The following AIG1 variants were observed in gnomAD, a reference collection of about 807,000 sequenced individuals.
The protein encoded by AIG1 is androgen-induced gene 1 protein.
In AIG1, 23 loss-of-function variants were observed where a neutral mutation model predicts 31.4. That is an observed-to-expected ratio of 0.73 (90% CI 0.53 to 1.04). The LOEUF is 1.04. AIG1 is among the 50% of genes least tolerant of loss of function. AIG1 has a pLI of 0.00. For missense variants in AIG1, 274 were observed against 295.0 expected, an observed-to-expected ratio of 0.93 and a Z score of 0.52; for synonymous variants, 100 against 110.5, an observed-to-expected ratio of 0.90 and a Z score of 0.60.
chr6:143,099,959 T>C (rs990585228), intron 1 of AIG1, among the ~76,000 whole-genome samples: 2 of 152,230 alleles, frequency 1.3e-5, no homozygotes, highest in African/African-American at 4.8e-5. Flanking sequence ...ATGGCAGACC[T>C]GTGGCCAGCG....
chr6:143,290,563 A>G (rs1797991073), intron 4 of AIG1, among the ~76,000 whole-genome samples: 1 of 152,318 alleles, frequency 6.6e-6, no homozygotes. Flanking sequence ...CTTAGTGTGC[A>G]TGACTGAGCC....
Position 143,088,209 on chromosome 6 carries a change from G to C in AIG1, c.141+27143G>C, listed in dbSNP as rs117100770. Among the ~76,000 whole-genome samples, 65 of 151,680 alleles carry C rather than the reference G, an allele frequency of 4.3e-4. No individual in the cohort carries two copies. The East Asian group carries it at 0.013, about 29-fold the overall frequency. ...TGATTTATTAGGTCCAATTTGAAGA[G>C]TTGGCTTCTCAACTTTAGGAGTCTG... is the stretch of plus-strand genomic sequence containing the variant. On this transcript the variant is annotated intron_variant, in intron 1 of 5. Transcript: ENST00000357847.
At chr6:143,318,966 TA>T (rs1421987354) in intron 4 of AIG1, among the ~76,000 whole-genome samples, 1 of 151,816 alleles carries the variant, frequency 6.6e-6, no homozygotes, top group East Asian at 1.9e-4. Context: ...AATCAAAAAA[TA>T]AAAAATAATA....
At chr6:143,063,412 G>A (rs1776425282) in intron 1 of AIG1, among the ~76,000 whole-genome samples, 1 of 152,198 alleles carries the variant, frequency 6.6e-6, no homozygotes, top group South Asian at 2.1e-4. Context: ...AAGAGTGCCT[G>A]TGAGAAAGTA....
At chr6:143,321,396 C>T (rs966084454) in intron 4 of AIG1, among the ~76,000 whole-genome samples, 26 of 151,804 alleles carry the variant, frequency 1.7e-4, no homozygotes, top group Non-Finnish European at 3.4e-4. Context: ...GCCAGGAGTT[C>T]AAGACCAGCC....
intron 1 of AIG1, among the ~76,000 whole-genome samples, chr6:143,090,374 A>C (rs934502405): frequency 2.6e-5 from 4 of 152,224 alleles, no homozygotes; most frequent in Non-Finnish European, 5.9e-5. Flanking sequence ...ATAAAAAGAT[A>C]AGTATGAAAA....
intron 3 of AIG1, among the ~76,000 whole-genome samples, chr6:143,267,945 A>G (rs1394706242): frequency 6.6e-6 from 1 of 152,174 alleles, no homozygotes; most frequent in African/African-American, 2.4e-5. Context: ...TTAAGCTTTA[A>G]AAATGTGCCT....
rs1583787845 is a variant in AIG1 at position 143,299,597 on chromosome 6, G to A, written c.515+15372G>A. 6.6e-6 allele frequency: 1 copy of A among 152,230 alleles called. No homozygotes were observed. Among genetic ancestry groups the A allele is most frequent in the Admixed American group, 6.5e-5 (1 of 15,286 alleles). The allele number at this position is 152,230 out of a possible 1,614,324, so 9.4% of individuals were successfully genotyped here. Reference sequence around the variant, plus strand: ...TGAAATACCCATATGCTTAAAGAGAGAAATGAGTAGCAGAGGGATTTCAAG... The same window carrying A: ...TGAAATACCCATATGCTTAAAGAGAAAAATGAGTAGCAGAGGGATTTCAAG... On this transcript the variant is annotated intron_variant, in intron 4 of 5. Coordinates refer to ENST00000357847, the MANE Select transcript of AIG1 (RefSeq NM_016108.4). This position sits in a 1 kb window ranked among gnomAD's most constrained non-coding sequence, Gnocchi z 4.1.
chr6:143,144,029 A>T (rs1020523716), intron 2 of AIG1, among the ~76,000 whole-genome samples: 1 of 152,208 alleles, frequency 6.6e-6, no homozygotes, highest in African/African-American at 2.4e-5. Context: ...CAATCATCTC[A>T]TATATTCTTT....
chr6:143,218,504 T>C (rs1019578194), intron 3 of AIG1, among the ~76,000 whole-genome samples: 2 of 152,224 alleles, frequency 1.3e-5, no homozygotes, highest in South Asian at 2.1e-4. Context: ...AAGCCAAATC[T>C]CCAGCCCAAC....
Position 143,279,681 on chromosome 6 carries a change from C to T in AIG1, c.400-4429C>T, listed in dbSNP as rs988292965. On this transcript the variant is annotated intron_variant, in intron 3 of 5. Coordinates refer to ENST00000357847, the MANE Select transcript of AIG1 (RefSeq NM_016108.4). This position sits in a 1 kb window ranked among gnomAD's most constrained non-coding sequence, Gnocchi z 5.4. ...CCATGGCAGTGGAGTCAGTTCACTC[C>T]GCTCCATCACGGGGGACCCACCAAG... 5.3e-5 allele frequency among the ~76,000 whole-genome samples: 8 copies of T among 152,072 alleles called. No homozygotes were observed. Among genetic ancestry groups the T allele is most frequent in the Admixed American group, 1.3e-4 (2 of 15,266 alleles).
At chr6:143,309,111 G>C (rs1184048207) in intron 4 of AIG1, among the ~76,000 whole-genome samples, 2 of 151,906 alleles carry the variant, frequency 1.3e-5, no homozygotes, top group Non-Finnish European at 2.9e-5. Flanking sequence ...CAAGCAAGAG[G>C]GGAATGGAGT....
At chr6:143,187,399 A>G in intron 3 of AIG1, 1 of 1,535,614 alleles carries the variant, frequency 6.5e-7, no homozygotes, top group South Asian at 1.2e-5. Context: ...TATAGCAACT[A>G]GATTCCACCA....
At chr6:143,173,197 A>C (rs567888440) in intron 3 of AIG1, among the ~76,000 whole-genome samples, 25 of 152,276 alleles carry the variant, frequency 1.6e-4, no homozygotes, top group African/African-American at 5.8e-4. Context: ...CTAGGATTAC[A>C]GGCGTGCACC....
intron 1 of AIG1, among the ~76,000 whole-genome samples, chr6:143,117,407 C>T (rs1222327830): frequency 6.6e-6 from 1 of 152,012 alleles, no homozygotes; most frequent in East Asian, 1.9e-4. Context: ...TGCACAGGGT[C>T]AGATTATGGA....
At chr6:143,224,113 G>A (rs1792749598) in intron 3 of AIG1, among the ~76,000 whole-genome samples, 1 of 152,114 alleles carries the variant, frequency 6.6e-6, no homozygotes, top group Admixed American at 6.6e-5. Flanking sequence ...CGGTCCCAGG[G>A]TTTCAACTCC....
intron 3 of AIG1, among the ~76,000 whole-genome samples, chr6:143,218,408 C>T (rs760425324): frequency 2.0e-5 from 3 of 152,208 alleles, no homozygotes. Flanking sequence ...ATGCCAGGAT[C>T]GCTTTCCATG....
chr6:143,100,883 C>A (rs1171811815), intron 1 of AIG1, among the ~76,000 whole-genome samples: 2 of 152,054 alleles, frequency 1.3e-5, no homozygotes, highest in Non-Finnish European at 2.9e-5. Flanking sequence ...TGGGGTTTCA[C>A]CATGTTGGCC....
At chr6:143,311,566 G>A (rs59940435) in intron 4 of AIG1, among the ~76,000 whole-genome samples, 9,208 of 151,768 alleles carry the variant, frequency 0.061, 746 homozygotes, top group African/African-American at 0.18. Flanking sequence ...TCATATGATC[G>A]TATTAAAAGA....
Sources: allele counts gnomAD v4.1 joint callset (sites outside exome capture counted in the v4.1 genomes callset), GRCh38; gene constraint gnomAD v4.1.1; non-coding constraint Gnocchi (gnomAD v3.1); transcripts MANE v1.5; gene names NCBI Gene and HGNC (gene_info 2026-07-23, HGNC 2026-07-21).